UBE2QL1: variants seen among roughly 807,000 people sequenced by gnomAD.
UBE2QL1 encodes the protein ubiquitin-conjugating enzyme E2Q-like protein 1.
Under a neutral mutation model 12.6 loss-of-function variants are expected in UBE2QL1, and 5 were observed. The observed-to-expected ratio is 0.40, with a 90% CI of 0.21 to 0.83. The LOEUF (loss-of-function observed/expected upper bound fraction) is 0.83, where lower values mean the gene tolerates loss of function less well. UBE2QL1 is among the 40% of genes least tolerant of loss of function. The pLI is 0.37. For missense variants in UBE2QL1, 99 were observed against 222.6 expected (o/e 0.44, Z 3.53); for synonymous variants, 96 against 94.5 (o/e 1.02, Z -0.10).
Position 6,495,349 on chromosome 5 carries a change from AG to A in UBE2QL1, c.*4004del, listed in dbSNP as rs149606431. Among the ~76,000 whole-genome samples, 485 of 152,300 alleles carry A rather than the reference AG, an allele frequency of 3.2e-3. 1 individual carries two copies. Among genetic ancestry groups the A allele is most frequent in the African/African-American group, 0.011 (465 of 41,562 alleles). On this transcript the variant is annotated 3_prime_UTR_variant, in exon 2 of 2. Transcript: ENST00000399816. Reference sequence around the variant, plus strand: ...AATTTTAATGGAATTTGCTTTCTAAAGGGGCAGAGCTTACTTCCTGACTGTA... The same window carrying A: ...AATTTTAATGGAATTTGCTTTCTAAAGGGCAGAGCTTACTTCCTGACTGTA...
rs79253859 is a variant in UBE2QL1 at position 6,481,655 on chromosome 5, C to T, written c.355-9563C>T. Among the ~76,000 whole-genome samples, 12,713 of 152,238 alleles carry T rather than the reference C, an allele frequency of 0.084. 598 individuals are homozygous for T. The highest frequency in any genetic ancestry group is 0.13 in the Middle Eastern group (38 of 294). On this transcript the variant is annotated intron_variant, in intron 1 of 1. Transcript: ENST00000399816. This position sits in a 1 kb window ranked among gnomAD's most constrained non-coding sequence, Gnocchi z 4.5. ...CTCCTGGGTCAGAAGCCTGGAGTGG[C>T]TCGGGCCTCCCACTGATCCTTCCCC...
intron 1 of UBE2QL1, among the ~76,000 whole-genome samples, chr5:6,463,107 T>C (rs1739710166): frequency 6.6e-6 from 1 of 152,258 alleles, no homozygotes; most frequent in South Asian, 2.1e-4. Context: ...GCACCCAATC[T>C]TAATTGTATC....
chr5:6,463,641 T>TTATTAG (rs1256961290), intron 1 of UBE2QL1, among the ~76,000 whole-genome samples: 3 of 148,256 alleles, frequency 2.0e-5, no homozygotes, highest in Non-Finnish European at 4.5e-5. Context: ...ATTATTATTA[T>TTATTAG]TTTTGATGCG....
intron 1 of UBE2QL1, among the ~76,000 whole-genome samples, chr5:6,458,615 GTC>G (rs1429810900): frequency 1.3e-5 from 2 of 152,008 alleles, no homozygotes; most frequent in Non-Finnish European, 2.9e-5. Flanking sequence ...CCCGTAAGAT[GTC>G]TGTCAGGAAT....
rs1734609103 is a variant in UBE2QL1 at position 6,493,146 on chromosome 5, G to C, written c.*1797G>C. 6.6e-6 allele frequency: 1 copy of C among 152,324 alleles called. No individual in the cohort carries two copies. The highest frequency in any genetic ancestry group is 1.9e-4 in the East Asian group (1 of 5,196). 9.4% of individuals were successfully genotyped at this position (152,324 alleles called of 1,614,324 possible). A position where few individuals can be genotyped will look rare whatever the true frequency, so the allele number is the denominator to read the frequency against. On this transcript the variant is annotated 3_prime_UTR_variant, in exon 2 of 2. Transcript: ENST00000399816. ...AGCTTCCCTGTGAGTCATAATAGTC[G>C]TGAAACTTGATGACAGTGAACTTAC...
chr5:6,477,509 G>A (rs1158942647), intron 1 of UBE2QL1, among the ~76,000 whole-genome samples: 1 of 152,220 alleles, frequency 6.6e-6, no homozygotes, highest in Non-Finnish European at 1.5e-5. Context: ...TGGACCTGGT[G>A]ACATTCCAGA....
chr5:6,481,498 A>C lies in UBE2QL1; in HGVS notation c.355-9720A>C, dbSNP rs1457204164. On this transcript the variant is annotated intron_variant, in intron 1 of 1. Transcript: ENST00000399816. This position sits in a 1 kb window ranked among gnomAD's most constrained non-coding sequence, Gnocchi z 4.5. ...CCTCCCCGCACACCTCTCCCTGCAG[A>C]ACCACATCATTTAGGTTCCCTGGTG... Among the ~76,000 whole-genome samples, 1 of 152,302 alleles carries C rather than the reference A, an allele frequency of 6.6e-6. No homozygotes were observed. The highest frequency in any genetic ancestry group is 1.9e-4 in the East Asian group (1 of 5,176).
intron 1 of UBE2QL1, among the ~76,000 whole-genome samples, chr5:6,482,552 C>A (rs949961173): frequency 6.6e-6 from 1 of 150,614 alleles, no homozygotes; most frequent in African/African-American, 2.4e-5. Flanking sequence ...GGCCCCCAGC[C>A]CCTTTAGGTA....
chr5:6,492,749 T>C lies in UBE2QL1; in HGVS notation c.*1400T>C, dbSNP rs1734598873. 1 of 152,236 alleles carries C rather than the reference T, an allele frequency of 6.6e-6. No individual in the cohort carries two copies. The highest frequency in any genetic ancestry group is 2.1e-4 in the South Asian group (1 of 4,836). 9.4% of individuals were successfully genotyped at this position (152,236 alleles called of 1,614,324 possible). ...AGAAATGAGTCTTAGGAACCCATAG[T>C]CTTTGCAAAAATTCAGTAGATTGAA... On this transcript the variant is annotated 3_prime_UTR_variant, in exon 2 of 2. Coordinates refer to ENST00000399816, the MANE Select transcript of UBE2QL1 (RefSeq NM_001145161.3).
intron 1 of UBE2QL1, among the ~76,000 whole-genome samples, chr5:6,477,995 AT>A (rs1165355185): frequency 3.3e-5 from 5 of 152,178 alleles, no homozygotes; most frequent in Non-Finnish European, 5.9e-5. Flanking sequence ...AGGGGCATAA[AT>A]TAAATCTCAC....
chr5:6,458,150 A>G (rs1239202426), intron 1 of UBE2QL1, among the ~76,000 whole-genome samples: 2 of 152,264 alleles, frequency 1.3e-5, no homozygotes, highest in African/African-American at 4.8e-5. Context: ...TAATTGTTAC[A>G]TTGGTAAAAT....
intron 1 of UBE2QL1, among the ~76,000 whole-genome samples, chr5:6,470,715 G>A (rs552567737): frequency 1.3e-4 from 20 of 152,306 alleles, no homozygotes; most frequent in African/African-American, 4.6e-4. Flanking sequence ...CAGCCCTGTC[G>A]GGTGACAGTT....
chr5:6,491,166 A>G, intron 1 of UBE2QL1, 52 bp from the exon 2 acceptor site: 2 of 1,480,150 alleles, frequency 1.4e-6, no homozygotes, highest in South Asian at 1.4e-5. Flanking sequence ...GATGGTAGGA[A>G]ACAGAATTCC....
At chr5:6,467,954 C>T (rs1739832485) in intron 1 of UBE2QL1, among the ~76,000 whole-genome samples, 1 of 152,120 alleles carries the variant, frequency 6.6e-6, no homozygotes, top group South Asian at 2.1e-4. Flanking sequence ...CTTTTCCCTC[C>T]GCCTTCAGGA....
rs750796706 is a variant in UBE2QL1 at position 6,452,266 on chromosome 5, CT to C, written c.354+3023del. On this transcript the variant is annotated intron_variant, in intron 1 of 1. Coordinates refer to ENST00000399816, the MANE Select transcript of UBE2QL1 (RefSeq NM_001145161.3). ...TGATAAATTCAGTCATTTCGTGAGG[CT>C]TTTAAGAGACTCTCTGGCCTGTGTT... Among the ~76,000 whole-genome samples the C allele has an allele frequency of 2.0e-4, 31 of 152,264 alleles. 1 individual carries two copies. Among genetic ancestry groups the C allele is most frequent in the Admixed American group, 4.6e-4 (7 of 15,296 alleles).
Position 6,468,518 on chromosome 5 carries a change from G to A in UBE2QL1, c.354+19271G>A, listed in dbSNP as rs1260579127. Among the ~76,000 whole-genome samples the A allele has an allele frequency of 5.9e-5, 9 of 152,362 alleles. No individual in the cohort carries two copies. The South Asian group carries it at 8.3e-4, about 14-fold the overall frequency. ...TTTCAAACAGCCGCCTGGAGCATCA[G>A]TGAAACTTGAAGGTGGCTCTCCAGT... On this transcript the variant is annotated intron_variant, in intron 1 of 1. Coordinates refer to ENST00000399816, the MANE Select transcript of UBE2QL1 (RefSeq NM_001145161.3).
intron 1 of UBE2QL1, among the ~76,000 whole-genome samples, chr5:6,452,889 G>A (rs1337996278): frequency 2.0e-5 from 3 of 152,122 alleles, no homozygotes; most frequent in Admixed American, 6.5e-5. Flanking sequence ...CTGCTTGATG[G>A]TGCACTGACT....
chr5:6,494,859 T>C lies in UBE2QL1; in HGVS notation c.*3510T>C, dbSNP rs112472910. 17 of 152,352 alleles carry C rather than the reference T, an allele frequency of 1.1e-4. No homozygotes were observed. Among genetic ancestry groups the C allele is most frequent in the African/African-American group, 3.6e-4 (15 of 41,576 alleles). 9.4% of individuals were successfully genotyped at this position (152,352 alleles called of 1,614,324 possible). ...ACTCACTCAGCATTCTCCTCTTAAA[T>C]GCAGGGCATGCAGAAGATTAAGGTA... is the stretch of plus-strand genomic sequence containing the variant. On this transcript the variant is annotated 3_prime_UTR_variant, in exon 2 of 2. Coordinates refer to ENST00000399816, the MANE Select transcript of UBE2QL1 (RefSeq NM_001145161.3).
At chr5:6,470,969 G>C (rs1739902053) in intron 1 of UBE2QL1, among the ~76,000 whole-genome samples, 1 of 152,150 alleles carries the variant, frequency 6.6e-6, no homozygotes, top group Non-Finnish European at 1.5e-5. Context: ...CTCCAACCCT[G>C]ATGATTTCAC....
Sources: gnomAD v4.1 joint callset for allele counts (sites outside exome capture counted in the v4.1 genomes callset) on GRCh38, gnomAD v4.1.1 for gene constraint, Gnocchi (gnomAD v3.1) non-coding constraint, MANE v1.5 for transcripts, NCBI Gene and HGNC (gene_info 2026-07-23, HGNC 2026-07-21) for gene names.